CHD5: variants seen among roughly 807,000 people sequenced by gnomAD.
The protein encoded by CHD5 is chromodomain helicase DNA binding protein 5, also known as ATP-dependent chromatin remodeler CHD5.
Under a neutral mutation model 230.3 loss-of-function variants are expected in CHD5, and 69 were observed. That is an observed-to-expected ratio of 0.30 (90% CI 0.25 to 0.37). The LOEUF (loss-of-function observed/expected upper bound fraction) is 0.37, where lower values mean the gene tolerates loss of function less well. Ranked by LOEUF, CHD5 falls within the 10% of genes least tolerant of loss-of-function variation. CHD5 has a pLI of 1.00. For synonymous variants in CHD5, 1,064 were observed against 1,065.9 expected, an observed-to-expected ratio of 1.00 and a Z score of 0.03; for missense variants, 1,827 against 2,622.8, an observed-to-expected ratio of 0.70 and a Z score of 6.63.
At chr1:6,163,234 C>G (rs974981161) in intron 2 of CHD5, among the ~76,000 whole-genome samples, 1 of 152,234 alleles carries the variant, frequency 6.6e-6, no homozygotes, top group African/African-American at 2.4e-5. Flanking sequence ...GGCAAGCCAG[C>G]AAAGCCCTCA....
In CHD5 at chr1:6,136,757, C is replaced by A; in HGVS notation, c.2545G>T (p.Ala849Ser). ...GACTGGTTGTTCTTGAGGCGGTGGG[C>A]CTCATCTACCACCAGGCAGGCCCAC... ...IEWACLVVDE[A>S]HRLKNNQSKF... The change falls in exon 16 of 42, where the codon GCC becomes TCC. Residue 849 changes from alanine (A) to serine (S), a missense_variant. Physicochemically the swap from Ala to Ser is moderately conservative, Grantham distance 99. This residue lies in a region of CHD5 where 52 missense variants were observed against 164.5 expected (regional missense o/e 0.32). Transcript: ENST00000262450. 1.2e-6 allele frequency: 2 copies of A among 1,612,780 alleles called. No individual in the cohort carries two copies. Among genetic ancestry groups the A allele is most frequent in the Non-Finnish European group, 1.7e-6 (2 of 1,179,080 alleles).
In CHD5 at chr1:6,154,742, G is replaced by A. The variant is rs1277235018; in HGVS notation, c.663C>T (p.Thr221=). The A allele has an allele frequency of 6.8e-6, 11 of 1,611,140 alleles. No individual in the cohort carries two copies. The Admixed American group carries it at 1.7e-4, about 24-fold the overall frequency. The part of the protein sequence containing the change: ...AAVAAAVETV[T]ISPPLAVSPP... ...GGCTGACGGCTAGCGGAGGGGAGATGGTGACCGTCTCTACAGCCGCAGCCA... is the reference window on the plus strand; with the variant it reads ...GGCTGACGGCTAGCGGAGGGGAGATAGTGACCGTCTCTACAGCCGCAGCCA... Residue 221 remains threonine, a synonymous_variant, in exon 5 of 42, where the codon ACC becomes ACT. Transcript: ENST00000262450. The surrounding 1 kb of genome is among the most constrained non-coding windows in gnomAD (Gnocchi z 7.0).
Position 6,134,314 on chromosome 1 carries a change from C to G in CHD5, c.3013-55G>C. On this transcript the variant is annotated intron_variant, in intron 19 of 41. Transcript: ENST00000262450. The surrounding 1 kb of genome is among the most constrained non-coding windows in gnomAD (Gnocchi z 6.3). The stretch of plus-strand genomic sequence containing the variant: ...GTGGGCTCCCCTCTCCTCTCTGACT[C>G]TGCACCAAAGGGGCCGCAGGGAACA... 1.3e-6 allele frequency: 2 copies of G among 1,596,772 alleles called. No homozygotes were observed. The highest frequency in any genetic ancestry group is 1.7e-6 in the Non-Finnish European group (2 of 1,174,352).
At chr1:6,127,997 T>G (rs1571147850) in intron 25 of CHD5, 49 bp downstream of exon 25, 1 of 1,334,622 alleles carries the variant, frequency 7.5e-7, no homozygotes, top group African/African-American at 2.2e-5. Flanking sequence ...GGGGCGGGGC[T>G]GCGGATGGAG....
At chr1:6,135,686 C>T (rs535384549) in intron 17 of CHD5, among the ~76,000 whole-genome samples, 87 of 152,132 alleles carry the variant, frequency 5.7e-4, no homozygotes, top group Admixed American at 1.0e-3. Context: ...GATGAGTGCC[C>T]GAGTTGATAC....
At chr1:6,149,166 T>C in intron 8 of CHD5, 80 bp downstream of exon 8, 8 of 1,472,990 alleles carry the variant, frequency 5.4e-6, no homozygotes, top group Non-Finnish European at 7.2e-6. Context: ...TCTCCCCGCA[T>C]TCTGCCCCCA....
Position 6,121,201 on chromosome 1 carries a change from C to T in CHD5, c.4816G>A (p.Asp1606Asn). ...TTGCTGGCTGGGCTCTCGTGCTTGT[C>T]CTCACTCTCCACTCTATCCAAGGCG... Reference protein sequence around the residue: ...PAALDRVESEDKHESPASKER... With the variant: ...PAALDRVESENKHESPASKER... Residue 1606 changes from aspartate (D) to asparagine (N), a missense_variant, in exon 33 of 42, where the codon GAC (aspartate) becomes AAC (asparagine). Physicochemically the swap from Asp to Asn is conservative, Grantham distance 23 (BLOSUM62 1). Transcript: ENST00000262450. This position sits in a 1 kb window ranked among gnomAD's most constrained non-coding sequence, Gnocchi z 4.5. 6.2e-7 allele frequency: 1 copy of T among 1,613,930 alleles called. No homozygotes were observed. The highest frequency in any genetic ancestry group is 8.5e-7 in the Non-Finnish European group (1 of 1,179,932).
At chr1:6,113,952 T>A (rs1012827083) in intron 33 of CHD5, among the ~76,000 whole-genome samples, 2 of 152,052 alleles carry the variant, frequency 1.3e-5, no homozygotes, top group African/African-American at 4.8e-5. Context: ...CTCCTGCAGA[T>A]AAAAACCACA....
At chr1:6,113,455 C>T (rs1486135459) in intron 33 of CHD5, 1 of 259,646 alleles carries the variant, frequency 3.9e-6, no homozygotes, top group Non-Finnish European at 8.0e-6. Context: ...GATGAGTTCC[C>T]AAGAAGAGAA....
rs987643209 is a variant in CHD5 at position 6,129,679 on chromosome 1, A to G, written c.3387+525T>C. Reference sequence around the variant, plus strand: ...TGTAAGCATTCAATGTGTGTGTCCCAGCGCCCGAGAGGGGTGGCCAGGTAC... The same window carrying G: ...TGTAAGCATTCAATGTGTGTGTCCCGGCGCCCGAGAGGGGTGGCCAGGTAC... On this transcript the variant is annotated intron_variant, in intron 22 of 41. Transcript: ENST00000262450. This position sits in a 1 kb window ranked among gnomAD's most constrained non-coding sequence, Gnocchi z 6.8. Among the ~76,000 whole-genome samples, 2 of 152,186 alleles carry G rather than the reference A, an allele frequency of 1.3e-5. No homozygotes were observed. Among genetic ancestry groups the G allele is most frequent in the Non-Finnish European group, 2.9e-5 (2 of 67,980 alleles).
At position 6,134,977 on chromosome 1, in the gene CHD5, G is replaced by T; in HGVS notation, c.2871-118C>A. ...AGCACCCATTTACAGAGAGACCCAA[G>T]GGACCCCCAAGAGGTGAAGCCACCG... On this transcript the variant is annotated intron_variant, in intron 18 of 41. Coordinates refer to ENST00000262450, the MANE Select transcript of CHD5 (RefSeq NM_015557.3). This position sits in a 1 kb window ranked among gnomAD's most constrained non-coding sequence, Gnocchi z 6.3. 7.4e-7 allele frequency: 1 copy of T among 1,347,682 alleles called. No homozygotes were observed. Among genetic ancestry groups the T allele is most frequent in the Non-Finnish European group, 1.0e-6 (1 of 969,568 alleles). The allele number at this position is 1,347,682 out of a possible 1,614,324, so 83.5% of individuals were successfully genotyped here.
rs376607024 is a variant in CHD5 at position 6,109,976 on chromosome 1, C to T, written c.5397G>A (p.Ala1799=). 22 of 1,543,822 alleles carry T rather than the reference C, an allele frequency of 1.4e-5. No individual in the cohort carries two copies. Among genetic ancestry groups the T allele is most frequent in the Admixed American group, 6.0e-5 (3 of 49,594 alleles). The change falls in exon 38 of 42, where the codon GCG becomes GCA. Residue 1799 remains alanine, a synonymous_variant. Transcript: ENST00000262450. ...TCCGGAGCTGCTCCTCAATGACCAA[C>T]GCCTGCTCCAGCAGCTGGGGGCGGG... ...LARRFKLLEQ[A]LVIEEQLRRA...
rs1037015944 is a variant in CHD5 at position 6,103,462 on chromosome 1, C to T, written c.*2012G>A. 5 of 152,580 alleles carry T rather than the reference C, an allele frequency of 3.3e-5. No individual in the cohort carries two copies. Among genetic ancestry groups the T allele is most frequent in the Admixed American group, 6.5e-5 (1 of 15,296 alleles). 9.5% of individuals were successfully genotyped at this position (152,580 alleles called of 1,614,324 possible). Reference sequence around the variant, plus strand: ...GACCCCTGCCCTGACCGCCACAGGCCTCCAGTCCTGCTGCTCGGGACCTAT... The same window carrying T: ...GACCCCTGCCCTGACCGCCACAGGCTTCCAGTCCTGCTGCTCGGGACCTAT... On this transcript the variant is annotated 3_prime_UTR_variant, in exon 42 of 42. Transcript: ENST00000262450.
Position 6,129,233 on chromosome 1 carries a change from C to T in CHD5, c.3388-164G>A, listed in dbSNP as rs1666613548. On this transcript the variant is annotated intron_variant, in intron 22 of 41. Coordinates refer to ENST00000262450, the MANE Select transcript of CHD5 (RefSeq NM_015557.3). This position sits in a 1 kb window ranked among gnomAD's most constrained non-coding sequence, Gnocchi z 6.8. ...GAGCCCACCACTGCAGCTGGGCTCC[C>T]TCCCTGACTGCGGAGCCTCCCACAA... Among the ~76,000 whole-genome samples, 1 of 152,112 alleles carries T rather than the reference C, an allele frequency of 6.6e-6. No homozygotes were observed. Among genetic ancestry groups the T allele is most frequent in the African/African-American group, 2.4e-5 (1 of 41,436 alleles).
intron 13 of CHD5, 32 bp downstream of exon 13, chr1:6,143,791 C>A: frequency 1.3e-6 from 2 of 1,572,300 alleles, no homozygotes; most frequent in South Asian, 2.2e-5. Flanking sequence ...CCTGGCAACC[C>A]CACCCACTGC....
rs139938444 is a variant in CHD5, at chr1:6,143,244, C to T, written c.2043+579G>A. Among the ~76,000 whole-genome samples the T allele has an allele frequency of 2.0e-4, 30 of 152,128 alleles. No individual in the cohort carries two copies. The South Asian group carries it at 4.8e-3, about 24-fold the overall frequency. ...TTTTTGTAGAGGTGGGATCTCACTA[C>T]GTTGCCTCAAACTTCTGGGTTCAAG... On this transcript the variant is annotated intron_variant, in intron 13 of 41. Coordinates refer to ENST00000262450, the MANE Select transcript of CHD5 (RefSeq NM_015557.3).
rs1273525447 is a variant in CHD5 at position 6,180,027 on chromosome 1, C to T, written c.-4G>A. On this transcript the variant is annotated 5_prime_UTR_variant, in exon 1 of 42. Transcript: ENST00000262450. ...CGGTGCCCACTGGGCCCCGCATGCCCGGCGCGGGGAGGAGGGGAGGTGGGC... is the reference window on the plus strand; with the variant it reads ...CGGTGCCCACTGGGCCCCGCATGCCTGGCGCGGGGAGGAGGGGAGGTGGGC... 6.8e-6 allele frequency: 9 copies of T among 1,328,192 alleles called. No individual in the cohort carries two copies. The highest frequency in any genetic ancestry group is 6.1e-5 in the South Asian group (4 of 65,940). 82.3% of individuals were successfully genotyped at this position (1,328,192 alleles called of 1,614,324 possible).
Position 6,148,755 on chromosome 1 carries a change from G to A in CHD5, c.1383+99C>T, listed in dbSNP as rs563842764. On this transcript the variant is annotated intron_variant, in intron 9 of 41. Transcript: ENST00000262450. ...TACCGAGGCGGGGCAGGAGCCGGCA[G>A]GGGCGGGGCCTTTTGAGGAGGGCAG... is the stretch of plus-strand genomic sequence containing the variant. The A allele has an allele frequency of 4.4e-4, 401 of 908,560 alleles. 1 individual carries two copies. The African/African-American group carries it at 6.5e-3, about 15-fold the overall frequency. 56.3% of individuals were successfully genotyped at this position (908,560 alleles called of 1,614,324 possible).
At chr1:6,137,536 T>G (rs1388896396) in intron 15 of CHD5, among the ~76,000 whole-genome samples, 1 of 152,034 alleles carries the variant, frequency 6.6e-6, no homozygotes, top group African/African-American at 2.4e-5. Context: ...TCTCTCTATG[T>G]TAACTAGGCT....
Sources: allele counts gnomAD v4.1 joint callset (sites outside exome capture counted in the v4.1 genomes callset), GRCh38; gene constraint gnomAD v4.1.1; regional missense constraint gnomAD v4.1.1; non-coding constraint Gnocchi (gnomAD v3.1); transcripts MANE v1.5; gene names NCBI Gene and HGNC (gene_info 2026-07-23, HGNC 2026-07-21).